STIP1: variants seen among roughly 807,000 people sequenced by gnomAD.
STIP1 encodes the protein stress-induced-phosphoprotein 1.
STIP1 carries 16 observed loss-of-function variants against 77.4 expected under a neutral mutation model. The observed-to-expected ratio is 0.21, with a 90% CI of 0.14 to 0.31. STIP1 has a LOEUF of 0.31. STIP1 is among the 10% of genes least tolerant of loss of function. The pLI, the probability that STIP1 is intolerant of heterozygous loss-of-function variation, is 1.00. For missense variants in STIP1, 524 were observed against 684.8 expected, an observed-to-expected ratio of 0.77 and a Z score of 2.62; for synonymous variants, 258 against 246.6, an observed-to-expected ratio of 1.05 and a Z score of -0.44.
Position 64,200,590 on chromosome 11 carries a change from CGTGTGTGTGTGTGTGT to C in STIP1, c.1245+320_1245+335del, listed in dbSNP as rs35484605. 1.8e-3 allele frequency among the ~76,000 whole-genome samples: 252 copies of C among 141,292 alleles called. 1 individual carries two copies. The highest frequency in any genetic ancestry group is 7.0e-3 in the Middle Eastern group (2 of 284). The allele number at this position is 141,292 out of a possible 152,430, so 92.7% of individuals were successfully genotyped here. A position where few individuals can be genotyped will look rare whatever the true frequency, so the allele number is the denominator to read the frequency against. ...AATATGGGACCTGTATCTAACTGGT[CGTGTGTGTGTGTGTGT>C]GTGTGTGTGTGTGTGTGTGTGTAAA... On this transcript the variant is annotated intron_variant, in intron 10 of 13. Coordinates refer to ENST00000305218, the MANE Select transcript of STIP1 (RefSeq NM_006819.3).
At chr11:64,194,444 A>G in intron 3 of STIP1, 35 bp from the exon 4 acceptor site, 4 of 1,613,418 alleles carry the variant, frequency 2.5e-6, no homozygotes, top group Middle Eastern at 1.6e-4. Flanking sequence ...TAGTGAACTC[A>G]TTTCATAGTG....
rs34070761 is a variant in STIP1, at chr11:64,188,037, C to CAAAA, written c.9+1784_9+1787dup. On this transcript the variant is annotated intron_variant, in intron 1 of 13. Transcript: ENST00000305218. Reference sequence around the variant, plus strand: ...TGGGCCACAGAGCGAGACTCCGTCTCAAAAAAAAAAAAAAAAAAAAGGATC... The same window carrying CAAAA: ...TGGGCCACAGAGCGAGACTCCGTCTCAAAAAAAAAAAAAAAAAAAAAAAAGGATC... Among the ~76,000 whole-genome samples, 20 of 72,188 alleles carry CAAAA rather than the reference C, an allele frequency of 2.8e-4. 1 individual carries two copies. The highest frequency in any genetic ancestry group is 1.0e-3 in the African/African-American group (18 of 17,694). The allele number at this position is 72,188 out of a possible 152,430, so 47.4% of individuals were successfully genotyped here. A position where few individuals can be genotyped will look rare whatever the true frequency, so the allele number is the denominator to read the frequency against.
chr11:64,199,101 G>A (rs1255555889), intron 8 of STIP1, among the ~76,000 whole-genome samples: 1 of 151,988 alleles, frequency 6.6e-6, no homozygotes, highest in Non-Finnish European at 1.5e-5. Context: ...TCAGGAGGAT[G>A]AGGCAGGAGA....
chr11:64,203,205 C>A lies in STIP1; in HGVS notation c.1363C>A (p.Leu455Ile). The change falls in exon 12 of 14, where the codon CTA (leucine) becomes ATA (isoleucine). Residue 455 changes from leucine to isoleucine, a missense_variant. Coordinates refer to ENST00000305218, the MANE Select transcript of STIP1 (RefSeq NM_006819.3). ...AGCCATGGATGTGTACCAGAAGGCG[C>A]TAGACCTGGACTCCAGCTGTAAGGT... The part of the protein sequence containing the change: ...TKAMDVYQKA[L>I]DLDSSCKEAA... 6.2e-7 allele frequency: 1 copy of A among 1,614,104 alleles called. No homozygotes were observed. The highest frequency in any genetic ancestry group is 8.5e-7 in the Non-Finnish European group (1 of 1,180,052).
At chr11:64,200,060 G>C (rs1057413156) in intron 9 of STIP1, 24 bp downstream of exon 9, 15 of 1,614,030 alleles carry the variant, frequency 9.3e-6, no homozygotes, top group African/African-American at 1.3e-5. Flanking sequence ...CTGGGGGATT[G>C]GGGGAGCAGT....
chr11:64,193,374 C>T (rs1591007650), intron 2 of STIP1, 87 bp downstream of exon 2: 1 of 1,215,682 alleles, frequency 8.2e-7, no homozygotes, highest in Non-Finnish European at 1.2e-6. Flanking sequence ...TGTCCTGATA[C>T]ACTGATAGTT....
chr11:64,198,118 G>A, intron 8 of STIP1, 144 bp downstream of exon 8: 1 of 1,216,212 alleles, frequency 8.2e-7, no homozygotes, highest in South Asian at 1.6e-5. Flanking sequence ...AAAGACAGTG[G>A]CACAATCGTG....
At chr11:64,203,325 TTCTC>T (rs973142646) in intron 12 of STIP1, 97 bp downstream of exon 12, 1 of 1,565,826 alleles carries the variant, frequency 6.4e-7, no homozygotes, top group Non-Finnish European at 8.7e-7. Context: ...TCACCTCCAT[TTCTC>T]TCTGTTTCTC....
chr11:64,186,889 A>G lies in STIP1; in HGVS notation c.9+619A>G, dbSNP rs1327796712. ...GTCTGAGGAGCGACAGACCGACTCTACCTGATGCGGGAAAGGGAAGGGTGC... is the reference window on the plus strand; with the variant it reads ...GTCTGAGGAGCGACAGACCGACTCTGCCTGATGCGGGAAAGGGAAGGGTGC... On this transcript the variant is annotated intron_variant, in intron 1 of 13. Coordinates refer to ENST00000305218, the MANE Select transcript of STIP1 (RefSeq NM_006819.3). Among the ~76,000 whole-genome samples, 10 of 152,168 alleles carry G rather than the reference A, an allele frequency of 6.6e-5. No individual in the cohort carries two copies. The East Asian group carries it at 1.9e-3, about 29-fold the overall frequency.
chr11:64,193,019 T>C, intron 1 of STIP1, 59 bp from the exon 2 acceptor site: 1 of 1,541,404 alleles, frequency 6.5e-7, no homozygotes, highest in East Asian at 2.3e-5. Flanking sequence ...AGTGTTGTCT[T>C]TAAAGCTTGG....
chr11:64,202,786 C>A, intron 10 of STIP1, 90 bp from the exon 11 acceptor site: 1 of 1,414,458 alleles, frequency 7.1e-7, no homozygotes, highest in Non-Finnish European at 1.0e-6. Context: ...CTGGGTGAGG[C>A]ATTAGAGTTG....
At chr11:64,189,602 T>C (rs760905733) in intron 1 of STIP1, among the ~76,000 whole-genome samples, 2 of 151,980 alleles carry the variant, frequency 1.3e-5, no homozygotes, top group Non-Finnish European at 2.9e-5. Context: ...CCCACAATGA[T>C]ACACTTCTTA....
rs148674726 is a variant in STIP1 at position 64,192,825 on chromosome 11, T to C, written c.10-253T>C. The stretch of plus-strand genomic sequence containing the variant: ...GAGCTCCATGTGGAGACCGGAAGAG[T>C]GGCAGAGCCCTCGTTCGTCACATGG... On this transcript the variant is annotated intron_variant, in intron 1 of 13. Coordinates refer to ENST00000305218, the MANE Select transcript of STIP1 (RefSeq NM_006819.3). Among the ~76,000 whole-genome samples, 253 of 152,230 alleles carry C rather than the reference T, an allele frequency of 1.7e-3. 2 individuals are homozygous for C. Among genetic ancestry groups the C allele is most frequent in the African/African-American group, 5.7e-3 (237 of 41,530 alleles).
At position 64,186,231 on chromosome 11, in the gene STIP1, G is replaced by T; in HGVS notation, c.-31G>T. 1 of 1,529,704 alleles carries T rather than the reference G, an allele frequency of 6.5e-7. No homozygotes were observed. The highest frequency in any genetic ancestry group is 1.2e-5 in the South Asian group (1 of 83,850). The allele number at this position is 1,529,704 out of a possible 1,614,324, so 94.8% of individuals were successfully genotyped here. A position where few individuals can be genotyped will look rare whatever the true frequency, so the allele number is the denominator to read the frequency against. ...TTGGGAACGCGGAGCGGACGGATTC[G>T]ATTCAACGGGGTTCCGGACCGCGCT... On this transcript the variant is annotated 5_prime_UTR_variant, in exon 1 of 14. Coordinates refer to ENST00000305218, the MANE Select transcript of STIP1 (RefSeq NM_006819.3).
At chr11:64,192,575 G>A (rs925138274) in intron 1 of STIP1, among the ~76,000 whole-genome samples, 5 of 152,178 alleles carry the variant, frequency 3.3e-5, no homozygotes, top group African/African-American at 1.2e-4. Flanking sequence ...TGACAACTAT[G>A]CCATAGGCAA....
intron 10 of STIP1, among the ~76,000 whole-genome samples, chr11:64,200,891 A>G (rs1344090729): frequency 6.6e-6 from 1 of 151,806 alleles, no homozygotes; most frequent in Non-Finnish European, 1.5e-5. Context: ...TGCAACCACC[A>G]TCTCCCGGGT....
rs1946127005 is a variant in STIP1, at chr11:64,194,546, A to T, written c.429A>T (p.Thr143=). 1 of 1,614,210 alleles carries T rather than the reference A, an allele frequency of 6.2e-7. No individual in the cohort carries two copies. Among genetic ancestry groups the T allele is most frequent in the East Asian group, 2.2e-5 (1 of 44,892 alleles). ...LYQKLESDPR[T]RTLLSDPTYR... ...AGAAGTTGGAGAGTGATCCCAGGAC[A>T]AGGACACTACTCAGTGATCCTACCT... Residue 143 remains threonine, a synonymous_variant, in exon 4 of 14, where the codon ACA becomes ACT. Coordinates refer to ENST00000305218, the MANE Select transcript of STIP1 (RefSeq NM_006819.3).
At chr11:64,202,678 A>G in intron 10 of STIP1, 198 bp from the exon 11 acceptor site, 3 of 613,040 alleles carry the variant, frequency 4.9e-6, no homozygotes, top group Non-Finnish European at 5.8e-6. Context: ...TGTGTTTTTC[A>G]TAACATCAGC....
At chr11:64,187,996 CCGTCTCCCTCCAG>C (rs1946045167) in intron 1 of STIP1, among the ~76,000 whole-genome samples, 1 of 149,888 alleles carries the variant, frequency 6.7e-6, no homozygotes, top group African/African-American at 2.5e-5. Context: ...GAGCGAGACT[CCGTCTCCCTCCAG>C]CCTGGGCCAC....
Sources: gnomAD v4.1 joint callset for allele counts (sites outside exome capture counted in the v4.1 genomes callset) on GRCh38, gnomAD v4.1.1 for gene constraint, MANE v1.5 for transcripts, NCBI Gene and HGNC (gene_info 2026-07-23, HGNC 2026-07-21) for gene names.